Variants in ABCB5 observed in about 807,000 individuals in gnomAD.
ABCB5 encodes the protein ATP-binding cassette sub-family B member 5.
ABCB5 carries 155 observed loss-of-function variants against 144.2 expected under a neutral mutation model. The ratio of observed to expected loss-of-function variants is 1.08; its 90% CI spans 0.94 to 1.23. ABCB5 has a LOEUF of 1.23. Among genes scored for constraint, ABCB5 ranks in the 50% most tolerant of loss-of-function variants. ABCB5 has a pLI of 0.00. For missense variants in ABCB5, 1,830 were observed against 1,520.8 expected (o/e 1.20, Z -3.38); for synonymous variants, 610 against 528.6 (o/e 1.15, Z -2.11).
chr7:20,717,795 C>T (rs781201385), intron 20 of ABCB5, among the ~76,000 whole-genome samples: 1 of 144,002 alleles, frequency 6.9e-6, no homozygotes, highest in Non-Finnish European at 1.5e-5. Context: ...ACCTTAAAAA[C>T]TTCACTTTAA....
rs575170660 is a variant in ABCB5, at chr7:20,753,497, C to G, written c.3567C>G (p.Asp1189Glu). ...AGGCCACTTCAGCCCTCGATAATGA[C>G]AGTGAGAAGGTAACATCATTTTCTT... Reference protein sequence around the residue: ...LDEATSALDNDSEKVVQHALD... With the variant: ...LDEATSALDNESEKVVQHALD... The change falls in exon 27 of 28, where the codon GAC becomes GAG. Residue 1189 changes from aspartate (D) to glutamate (E), a missense_variant. Coordinates refer to ENST00000404938, the MANE Select transcript of ABCB5 (RefSeq NM_001163941.2). The G allele has an allele frequency of 6.8e-6, 11 of 1,612,338 alleles. No individual in the cohort carries two copies. The African/African-American group carries it at 1.1e-4, about 16-fold the overall frequency.
At chr7:20,635,849 A>G (rs1784145693) in intron 5 of ABCB5, among the ~76,000 whole-genome samples, 2 of 152,126 alleles carry the variant, frequency 1.3e-5, no homozygotes, top group Admixed American at 6.6e-5. Flanking sequence ...TCAGCAAATA[A>G]ATAATTTGAC....
At chr7:20,748,345 C>A (rs879929744) in intron 26 of ABCB5, among the ~76,000 whole-genome samples, 1 of 142,416 alleles carries the variant, frequency 7.0e-6, no homozygotes, top group Admixed American at 6.9e-5. Flanking sequence ...TGTTGTACTT[C>A]CTTCAGATAG....
intron 14 of ABCB5, among the ~76,000 whole-genome samples, chr7:20,679,984 A>T (rs1785736602): frequency 6.6e-6 from 1 of 152,050 alleles, no homozygotes; most frequent in Non-Finnish European, 1.5e-5. Flanking sequence ...AGTAGGGGGA[A>T]AAAAAAACTT....
chr7:20,711,853 CTTT>C (rs1756268079), intron 20 of ABCB5, among the ~76,000 whole-genome samples: 3 of 71,748 alleles, frequency 4.2e-5, no homozygotes, highest in African/African-American at 1.7e-4. Flanking sequence ...TCTTTTCTTT[CTTT>C]CTTTCCTTCC....
At chr7:20,691,087 C>G (rs546087965) in intron 16 of ABCB5, among the ~76,000 whole-genome samples, 1 of 149,194 alleles carries the variant, frequency 6.7e-6, no homozygotes, top group East Asian at 2.0e-4. Context: ...TGAGATGAAA[C>G]TTGTCATTGA....
At chr7:20,753,104 T>A (rs980948251) in intron 26 of ABCB5, among the ~76,000 whole-genome samples, 1 of 152,238 alleles carries the variant, frequency 6.6e-6, no homozygotes, top group African/African-American at 2.4e-5. Flanking sequence ...TGCTTTAATT[T>A]GAAAAATTTC....
At chr7:20,649,759 T>C (rs907413276) in intron 11 of ABCB5, among the ~76,000 whole-genome samples, 1 of 152,246 alleles carries the variant, frequency 6.6e-6, no homozygotes, top group African/African-American at 2.4e-5. Context: ...TAGTTGAAAA[T>C]GTGAACAGTT....
At chr7:20,628,615 G>T in intron 3 of ABCB5, 73 bp from the exon 4 acceptor site, 6 of 1,052,820 alleles carry the variant, frequency 5.7e-6, no homozygotes, top group Non-Finnish European at 7.8e-6. Context: ...GTAGGCTGTT[G>T]TGTGTGTGTG....
At chr7:20,724,198 T>TGTTA (rs1781958658) in intron 21 of ABCB5, among the ~76,000 whole-genome samples, 3 of 56,528 alleles carry the variant, frequency 5.3e-5, no homozygotes, top group African/African-American at 3.3e-4. Flanking sequence ...TTTTTTCTTG[T>TGTTA]CTTATTTATT....
intron 5 of ABCB5, among the ~76,000 whole-genome samples, chr7:20,632,804 G>T (rs1378667086): frequency 1.3e-5 from 2 of 150,234 alleles, no homozygotes; most frequent in Non-Finnish European, 1.5e-5. Flanking sequence ...AGGTGGGAAT[G>T]GAACAATGAG....
In ABCB5 at chr7:20,665,770, T is replaced by G. The variant is rs866583522; in HGVS notation, c.1707+7094T>G. The stretch of plus-strand genomic sequence containing the variant: ...AGATAGATAGATAGATAGATAGAGA[T>G]ACATACATACATACATACATACATA... On this transcript the variant is annotated intron_variant, in intron 14 of 27. Transcript: ENST00000404938. 2.4e-3 allele frequency among the ~76,000 whole-genome samples: 300 copies of G among 124,412 alleles called. 1 individual carries two copies. Among genetic ancestry groups the G allele is most frequent in the African/African-American group, 3.9e-3 (116 of 29,898 alleles). The allele number at this position is 124,412 out of a possible 152,430, so 81.6% of individuals were successfully genotyped here.
intron 15 of ABCB5, among the ~76,000 whole-genome samples, chr7:20,682,357 T>C (rs1785857706): frequency 6.6e-6 from 1 of 152,108 alleles, no homozygotes; most frequent in South Asian, 2.1e-4. Flanking sequence ...TAGATATTAT[T>C]AGTTGTAAAA....
chr7:20,754,260 G>C (rs575276397), intron 27 of ABCB5, among the ~76,000 whole-genome samples: 1 of 152,278 alleles, frequency 6.6e-6, no homozygotes, highest in African/African-American at 2.4e-5. Context: ...TCTGACCTAA[G>C]AGCCCAGGCA....
chr7:20,690,974 G>C (rs1169164165), intron 16 of ABCB5, among the ~76,000 whole-genome samples: 1 of 152,046 alleles, frequency 6.6e-6, no homozygotes, highest in Non-Finnish European at 1.5e-5. Flanking sequence ...TTACTTTCCT[G>C]CTTGATAGAA....
At chr7:20,720,921 G>A (rs969620556) in intron 20 of ABCB5, among the ~76,000 whole-genome samples, 1 of 132,240 alleles carries the variant, frequency 7.6e-6, no homozygotes, top group Non-Finnish European at 1.5e-5. Context: ...TCCAGCCTGG[G>A]CGACAGAGCG....
intron 13 of ABCB5, 61 bp from the exon 14 acceptor site, chr7:20,658,445 T>A: frequency 6.5e-7 from 1 of 1,530,826 alleles, no homozygotes; most frequent in Non-Finnish European, 8.9e-7. Context: ...TGTCATTTCC[T>A]GTTCTAACCA....
intron 5 of ABCB5, among the ~76,000 whole-genome samples, chr7:20,634,804 T>C (rs1471159800): frequency 6.6e-6 from 1 of 152,142 alleles, no homozygotes; most frequent in African/African-American, 2.4e-5. Flanking sequence ...ATTCTAGATA[T>C]TAGTTTTTTG....
intron 13 of ABCB5, among the ~76,000 whole-genome samples, chr7:20,653,935 T>G (rs568159366): frequency 6.6e-6 from 1 of 152,236 alleles, no homozygotes; most frequent in East Asian, 1.9e-4. Context: ...GGCAAGTAGC[T>G]AAAACACCAA....
Sources: gnomAD v4.1 joint callset for allele counts (sites outside exome capture counted in the v4.1 genomes callset) on GRCh38, gnomAD v4.1.1 for gene constraint, MANE v1.5 for transcripts, NCBI Gene and HGNC (gene_info 2026-07-23, HGNC 2026-07-21) for gene names.